The following TRIO variants were observed in gnomAD, a reference collection of about 807,000 sequenced individuals.
TRIO encodes triple functional domain protein.
TRIO carries 58 observed loss-of-function variants against 351.9 expected under a neutral mutation model. The observed-to-expected ratio is 0.16, with a 90% CI of 0.13 to 0.21. The LOEUF is 0.21. Ranked by LOEUF, TRIO falls within the 10% of genes least tolerant of loss-of-function variation. The pLI, the probability that TRIO is intolerant of heterozygous loss-of-function variation, is 1.00. For synonymous variants in TRIO, 1,758 were observed against 1,595.7 expected, an observed-to-expected ratio of 1.10 and a Z score of -2.42; for missense variants, 3,201 against 4,027.8, an observed-to-expected ratio of 0.79 and a Z score of 5.56.
At chr5:14,361,844 G>C (rs928544253) in intron 13 of TRIO, among the ~76,000 whole-genome samples, 1 of 152,200 alleles carries the variant, frequency 6.6e-6, no homozygotes, top group South Asian at 2.1e-4. Context: ...ATGGCCAGAC[G>C]TGGTGGCTCA....
chr5:14,396,468 T>TTTTTTTTTTTTTTTTTTTTTTTTTTTA (rs1747603139), intron 28 of TRIO, among the ~76,000 whole-genome samples: 1 of 87,602 alleles, frequency 1.1e-5, no homozygotes, highest in Non-Finnish European at 2.2e-5. Flanking sequence ...TTTTTTTTTT[T>TTTTTTTTTTTTTTTTTTTTTTTTTTTA]TTTTTTTTTT....
At chr5:14,345,330 G>A (rs1254489548) in intron 11 of TRIO, among the ~76,000 whole-genome samples, 2 of 152,122 alleles carry the variant, frequency 1.3e-5, no homozygotes, top group Non-Finnish European at 2.9e-5. Flanking sequence ...CATTTGTAAC[G>A]CAGTTTTTCA....
chr5:14,343,103 AAAAGAG>A (rs1464970174), intron 11 of TRIO, among the ~76,000 whole-genome samples: 19 of 151,904 alleles, frequency 1.3e-4, no homozygotes, highest in East Asian at 1.9e-4. Context: ...AAAAAAAAAA[AAAAGAG>A]AGAGAAATGG....
chr5:14,426,087 G>A (rs1429154586), intron 34 of TRIO, among the ~76,000 whole-genome samples: 3 of 151,942 alleles, frequency 2.0e-5, no homozygotes, highest in African/African-American at 7.3e-5. Flanking sequence ...CTCACTTCTT[G>A]CCCTTTTTCG....
chr5:14,452,793 CTTT>C (rs1335855896), intron 34 of TRIO, among the ~76,000 whole-genome samples: 1 of 152,204 alleles, frequency 6.6e-6, no homozygotes, highest in African/African-American at 2.4e-5. Flanking sequence ...GTCTTTAAGA[CTTT>C]TTTACCATTG....
chr5:14,309,006 C>T (rs542632260), intron 8 of TRIO, among the ~76,000 whole-genome samples: 1 of 152,140 alleles, frequency 6.6e-6, no homozygotes, highest in East Asian at 1.9e-4. Context: ...CCCAACCATC[C>T]ATCCACCCAC....
intron 48 of TRIO, chr5:14,489,288 T>C (rs1756297912): frequency 9.2e-6 from 4 of 436,142 alleles, no homozygotes; most frequent in Non-Finnish European, 1.6e-5. Context: ...TAAACTTTAA[T>C]TGGGGAAGAA....
chr5:14,198,565 G>A (rs765001114), intron 1 of TRIO, among the ~76,000 whole-genome samples: 28 of 152,172 alleles, frequency 1.8e-4, no homozygotes, highest in Non-Finnish European at 3.2e-4. Context: ...TGGGAATTTG[G>A]GGCATTGAAA....
At chr5:14,299,631 C>T (rs754666189) in intron 7 of TRIO, among the ~76,000 whole-genome samples, 5 of 152,212 alleles carry the variant, frequency 3.3e-5, no homozygotes, top group African/African-American at 7.2e-5. Flanking sequence ...ACTAGGTCAA[C>T]GTTGTTCCCT....
intron 1 of TRIO, among the ~76,000 whole-genome samples, chr5:14,145,894 T>C (rs568607819): frequency 2.6e-5 from 4 of 152,352 alleles, no homozygotes; most frequent in Non-Finnish European, 4.4e-5. Flanking sequence ...CTCCTGTTCA[T>C]GTTCCGTTTG....
chr5:14,164,051 T>C (rs2152121762), intron 1 of TRIO, among the ~76,000 whole-genome samples: 1 of 152,330 alleles, frequency 6.6e-6, no homozygotes, highest in Middle Eastern at 3.4e-3. Context: ...CCTACACTGC[T>C]TATACTAATG....
At chr5:14,360,347 A>C (rs1397640859) in intron 13 of TRIO, among the ~76,000 whole-genome samples, 2 of 152,134 alleles carry the variant, frequency 1.3e-5, no homozygotes, top group South Asian at 2.1e-4. Flanking sequence ...CAGTCCAATC[A>C]CATGAGCACG....
At chr5:14,506,393 A>G (rs1446951535) in intron 55 of TRIO, among the ~76,000 whole-genome samples, 3 of 152,206 alleles carry the variant, frequency 2.0e-5, no homozygotes, top group Non-Finnish European at 4.4e-5. Flanking sequence ...AGAGCAGCAT[A>G]GGCCGGTGTT....
intron 1 of TRIO, among the ~76,000 whole-genome samples, chr5:14,207,316 TCTC>T (rs1357658542): frequency 1.1e-4 from 1 of 9,112 alleles, no homozygotes; most frequent in African/African-American, 3.8e-4. Context: ...CAAGACTGTC[TCTC>T]ACACACACAC....
chr5:14,369,972 G>A (rs1218132296), intron 18 of TRIO, among the ~76,000 whole-genome samples: 4 of 152,178 alleles, frequency 2.6e-5, no homozygotes, highest in Non-Finnish European at 5.9e-5. Flanking sequence ...AGCGCCACAC[G>A]GCTTGTGGTG....
At chr5:14,420,582 C>T (rs1166181385) in intron 34 of TRIO, 2 of 153,248 alleles carry the variant, frequency 1.3e-5, no homozygotes, top group East Asian at 1.9e-4. Flanking sequence ...GATTTTCAGA[C>T]TTTGGCCAAA....
intron 11 of TRIO, among the ~76,000 whole-genome samples, chr5:14,342,006 G>C (rs190608518): frequency 2.4e-4 from 36 of 152,342 alleles, no homozygotes; most frequent in Non-Finnish European, 4.1e-4. Context: ...CAGCCACCTG[G>C]AGATGTTTTG....
At chr5:14,408,876 A>C (rs1020668653) in intron 33 of TRIO, among the ~76,000 whole-genome samples, 1 of 152,150 alleles carries the variant, frequency 6.6e-6, no homozygotes, top group Non-Finnish European at 1.5e-5. Context: ...TTTTTTTAAA[A>C]AAAAAAAAGT....
intron 53 of TRIO, 87 bp from the exon 54 acceptor site, chr5:14,502,492 G>T: frequency 7.3e-7 from 1 of 1,371,970 alleles, no homozygotes; most frequent in East Asian, 2.3e-5. Context: ...ACGCGCAGCT[G>T]CTGTGAGGGA....
Sources: gnomAD v4.1 joint callset for allele counts (sites outside exome capture counted in the v4.1 genomes callset) on GRCh38, gnomAD v4.1.1 for gene constraint, MANE v1.5 for transcripts, NCBI Gene and HGNC (gene_info 2026-07-23, HGNC 2026-07-21) for gene names.